Variants in CFAP91 observed in about 807,000 individuals in gnomAD.
CFAP91 encodes the protein cilia and flagella associated protein 91, also known as cilia- and flagella-associated protein 91.
In CFAP91, 85 loss-of-function variants were observed where a neutral mutation model predicts 95.9. The ratio of observed to expected loss-of-function variants is 0.89; its 90% CI spans 0.74 to 1.06. The LOEUF (loss-of-function observed/expected upper bound fraction) is 1.06. CFAP91 is among the 50% of genes least tolerant of loss of function. CFAP91 has a pLI of 0.00. For missense variants in CFAP91, 962 were observed against 943.4 expected (o/e 1.02, Z -0.26); for synonymous variants, 335 against 327.5 (o/e 1.02, Z -0.25).
At chr3:119,743,916 C>G in intron 13 of CFAP91, 59 bp from the exon 14 acceptor site, 4 of 1,427,818 alleles carry the variant, frequency 2.8e-6, no homozygotes, top group Non-Finnish European at 2.8e-6. Flanking sequence ...AGCACTTCTT[C>G]TAATAATCAC....
chr3:119,730,371 G>T lies in CFAP91; in HGVS notation c.1012G>T (p.Val338Leu), dbSNP rs1189036528. ...AATGGCAAAAATTCAGCGCACGCAT[G>T]TATCAAGTAATGGTGTAGTATGAAC... ...AKMAKIQRTH[V>L]STIRKLVGKR... is the part of the protein sequence containing the mutation. Residue 338 changes from valine (V) to leucine (L), a missense_variant, in exon 8 of 18, where the codon GTA (valine) becomes TTA (leucine). Physicochemically the swap from Val to Leu is conservative, Grantham distance 32 (BLOSUM62 1). Coordinates refer to ENST00000273390, the MANE Select transcript of CFAP91 (RefSeq NM_033364.4). The T allele has an allele frequency of 6.2e-7, 1 of 1,613,810 alleles. No homozygotes were observed. The highest frequency in any genetic ancestry group is 8.5e-7 in the Non-Finnish European group (1 of 1,179,864).
intron 10 of CFAP91, among the ~76,000 whole-genome samples, chr3:119,735,734 T>A (rs1284962435): frequency 6.6e-6 from 1 of 152,188 alleles, no homozygotes; most frequent in Non-Finnish European, 1.5e-5. Context: ...TAGAGCAGAT[T>A]ATTCCCAACT....
Position 119,733,477 on chromosome 3 carries a change from T to TTGGA in CFAP91, c.1316_1319dup (p.Tyr441GlyfsTer3), listed in dbSNP as rs781547250. The TTGGA allele has an allele frequency of 1.2e-6, 2 of 1,613,958 alleles. No homozygotes were observed. The highest frequency in any genetic ancestry group is 1.7e-6 in the Non-Finnish European group (2 of 1,179,934). ...TGGTTTTCTGAAGAGGGCAGCAAGG[T>TTGGA]TGGACTATGAGTTGGCAGAGGTTCA... On this transcript the variant is annotated frameshift_variant, in exon 10 of 18. Coordinates refer to ENST00000273390, the MANE Select transcript of CFAP91 (RefSeq NM_033364.4). LOFTEE classifies it high-confidence loss of function.
At chr3:119,722,973 C>T (rs1182584785) in intron 6 of CFAP91, among the ~76,000 whole-genome samples, 1 of 152,204 alleles carries the variant, frequency 6.6e-6, no homozygotes, top group Non-Finnish European at 1.5e-5. Context: ...GATAAGACTT[C>T]TCCCTCAAAT....
intron 14 of CFAP91, 137 bp from the exon 15 acceptor site, chr3:119,746,978 G>A (rs2054232340): frequency 2.0e-5 from 12 of 614,440 alleles, no homozygotes; most frequent in Non-Finnish European, 2.9e-5. Flanking sequence ...TAAAGAAAAT[G>A]AATGATTAGT....
intron 6 of CFAP91, 92 bp downstream of exon 6, chr3:119,715,835 TAC>T: frequency 2.6e-6 from 3 of 1,169,288 alleles, no homozygotes; most frequent in South Asian, 2.5e-5. Flanking sequence ...AATTGTGGTT[TAC>T]AGTGTTGCTA....
intron 1 of CFAP91, among the ~76,000 whole-genome samples, chr3:119,703,856 T>C (rs2053308465): frequency 2.0e-5 from 3 of 152,222 alleles, no homozygotes; most frequent in Admixed American, 6.5e-5. Context: ...GCACCTATTC[T>C]AGTGCTGATA....
rs117432374 is a variant in CFAP91, at chr3:119,707,464, C to G, written c.262C>G (p.Leu88Val). The G allele has an allele frequency of 1.1e-3, 1,725 of 1,593,984 alleles. 31 individuals are homozygous for G. In the East Asian group the frequency reaches 0.033, roughly 30 times the overall value. ...CCTGATCCATTATCCAAGATATTCTCTATATTGGAGCAAGTCAGATCCTGT... is the reference window on the plus strand; with the variant it reads ...CCTGATCCATTATCCAAGATATTCTGTATATTGGAGCAAGTCAGATCCTGT... ...SNLIHYPRYS[L>V]YWSKSDPVPP... Residue 88 changes from leucine to valine, a missense_variant, in exon 3 of 18, where the codon CTA becomes GTA. Coordinates refer to ENST00000273390, the MANE Select transcript of CFAP91 (RefSeq NM_033364.4).
intron 5 of CFAP91, among the ~76,000 whole-genome samples, chr3:119,712,243 G>A (rs917670925): frequency 2.0e-5 from 3 of 152,212 alleles, no homozygotes; most frequent in African/African-American, 7.2e-5. Context: ...ATAGGTTGGA[G>A]AAATTAAGAA....
intron 6 of CFAP91, among the ~76,000 whole-genome samples, chr3:119,716,138 C>A (rs2053570363): frequency 6.6e-6 from 1 of 152,110 alleles, no homozygotes; most frequent in South Asian, 2.1e-4. Context: ...TCTTAATTTG[C>A]CAAAATATCT....
intron 17 of CFAP91, among the ~76,000 whole-genome samples, chr3:119,762,001 A>C (rs1577253389): frequency 6.6e-6 from 1 of 152,128 alleles, no homozygotes; most frequent in East Asian, 1.9e-4. Context: ...ACAGTTGGGC[A>C]AGAGAAAGAA....
chr3:119,706,645 A>G lies in CFAP91; in HGVS notation c.125-164A>G, dbSNP rs1577193738. On this transcript the variant is annotated intron_variant, in intron 1 of 17. Transcript: ENST00000273390. ...CTGTTGCTGGTAGAAGTGGTAGAGT[A>G]ACAGGGCCACATGCACAACAGAGCA... 17 of 574,832 alleles carry G rather than the reference A, an allele frequency of 3.0e-5. No homozygotes were observed. In the East Asian group the frequency reaches 4.9e-4, roughly 17 times the overall value. 35.6% of individuals were successfully genotyped at this position (574,832 alleles called of 1,614,324 possible).
chr3:119,706,806 C>A lies in CFAP91; in HGVS notation c.125-3C>A. ...TTATGCTACTTGATTGTTTATTTTG[C>A]AGATCCATTGTTTATTGTGTCAAGT... On this transcript the variant is annotated splice_polypyrimidine_tract_variant and splice_region_variant and intron_variant, in intron 1 of 17. Coordinates refer to ENST00000273390, the MANE Select transcript of CFAP91 (RefSeq NM_033364.4). 6.2e-7 allele frequency: 1 copy of A among 1,610,758 alleles called. No individual in the cohort carries two copies. The highest frequency in any genetic ancestry group is 8.5e-7 in the Non-Finnish European group (1 of 1,177,152).
At chr3:119,711,941 T>C (rs1353005239) in intron 5 of CFAP91, among the ~76,000 whole-genome samples, 1 of 152,226 alleles carries the variant, frequency 6.6e-6, no homozygotes, top group Non-Finnish European at 1.5e-5. Flanking sequence ...TCTAGAAGAC[T>C]GTAGGTATGG....
Position 119,707,275 on chromosome 3 carries a change from C to T in CFAP91, c.202-129C>T, listed in dbSNP as rs148427730. ...ATTTAAAGATATTTTACGCATACAG[C>T]AATAACCCCTCTTCTTATGCTGTAT... On this transcript the variant is annotated intron_variant, in intron 2 of 17. Coordinates refer to ENST00000273390, the MANE Select transcript of CFAP91 (RefSeq NM_033364.4). 2,329 of 679,174 alleles carry T rather than the reference C, an allele frequency of 3.4e-3. 19 individuals are homozygous for T. The highest frequency in any genetic ancestry group is 0.026 in the Middle Eastern group (60 of 2,282). The allele number at this position is 679,174 out of a possible 1,614,324, so 42.1% of individuals were successfully genotyped here. A position where few individuals can be genotyped will look rare whatever the true frequency, so the allele number is the denominator to read the frequency against.
chr3:119,706,649 G>T, intron 1 of CFAP91, 160 bp from the exon 2 acceptor site: 1 of 582,392 alleles, frequency 1.7e-6, no homozygotes, highest in South Asian at 2.2e-5. Flanking sequence ...TAGAGTAACA[G>T]GGCCACATGC....
At chr3:119,724,122 C>G (rs2053735336) in intron 6 of CFAP91, among the ~76,000 whole-genome samples, 1 of 146,420 alleles carries the variant, frequency 6.8e-6, no homozygotes, top group African/African-American at 2.6e-5. Flanking sequence ...GAGCCGAGAT[C>G]GTGCCATTGC....
chr3:119,712,331 C>T (rs557550765), intron 5 of CFAP91, among the ~76,000 whole-genome samples: 1 of 152,272 alleles, frequency 6.6e-6, no homozygotes, highest in Non-Finnish European at 1.5e-5. Context: ...TTCCCTGACC[C>T]ACCTGGAAAG....
intron 13 of CFAP91, among the ~76,000 whole-genome samples, chr3:119,743,382 T>C (rs2054158833): frequency 6.6e-6 from 1 of 152,298 alleles, no homozygotes; most frequent in South Asian, 2.1e-4. Flanking sequence ...CCTCCCAAAG[T>C]GCTGGGATTA....
Sources: allele counts gnomAD v4.1 joint callset (sites outside exome capture counted in the v4.1 genomes callset), GRCh38; gene constraint gnomAD v4.1.1; transcripts MANE v1.5; gene names NCBI Gene and HGNC (gene_info 2026-07-23, HGNC 2026-07-21).